TSHZ1: variants seen among roughly 807,000 people sequenced by gnomAD.
The protein encoded by TSHZ1 is teashirt zinc finger homeobox 1, also known as teashirt homolog 1.
Under a neutral mutation model 67.1 loss-of-function variants are expected in TSHZ1, and 12 were observed. That is an observed-to-expected ratio of 0.18 (90% confidence interval 0.11 to 0.29). TSHZ1 has a LOEUF of 0.29. Among genes scored for constraint, TSHZ1 ranks in the 10% least tolerant of loss-of-function variants. The pLI is 1.00. For synonymous variants in TSHZ1, 632 were observed against 622.4 expected, an observed-to-expected ratio of 1.02 and a Z score of -0.23; for missense variants, 1,305 against 1,413.9, an observed-to-expected ratio of 0.92 and a Z score of 1.23.
chr18:75,275,739 C>T (rs1359049683), intron 1 of TSHZ1, among the ~76,000 whole-genome samples: 1 of 152,122 alleles, frequency 6.6e-6, no homozygotes, highest in Non-Finnish European at 1.5e-5. Flanking sequence ...AAACTGAAAT[C>T]GGCTGATGTT....
intron 1 of TSHZ1, among the ~76,000 whole-genome samples, chr18:75,214,657 C>G (rs2022743436): frequency 6.6e-6 from 1 of 151,996 alleles, no homozygotes; most frequent in South Asian, 2.1e-4. Flanking sequence ...TGTAGAATAG[C>G]AATACTTCAC....
At chr18:75,259,807 C>T (rs1159609848) in intron 1 of TSHZ1, among the ~76,000 whole-genome samples, 1 of 152,158 alleles carries the variant, frequency 6.6e-6, no homozygotes, top group East Asian at 1.9e-4. Context: ...GGCTGTGGAT[C>T]ACCCTAAACA....
intron 1 of TSHZ1, chr18:75,282,810 A>C (rs1020763967): frequency 6.6e-6 from 1 of 152,268 alleles, no homozygotes; most frequent in African/African-American, 2.4e-5. Flanking sequence ...ACGAACACAA[A>C]GTCACTTATT....
intron 1 of TSHZ1, among the ~76,000 whole-genome samples, chr18:75,244,982 T>G (rs1176283877): frequency 1.3e-5 from 2 of 152,192 alleles, no homozygotes; most frequent in Non-Finnish European, 2.9e-5. Flanking sequence ...CTCTCTTGTC[T>G]GTCTCTCCCT....
At chr18:75,260,346 T>C (rs1490923944) in intron 1 of TSHZ1, among the ~76,000 whole-genome samples, 1 of 152,232 alleles carries the variant, frequency 6.6e-6, no homozygotes, top group Non-Finnish European at 1.5e-5. Context: ...GGCATTTTGT[T>C]GTGTATTAAA....
At chr18:75,212,625 T>G (rs532191418) in intron 1 of TSHZ1, among the ~76,000 whole-genome samples, 2 of 152,374 alleles carry the variant, frequency 1.3e-5, no homozygotes, top group Admixed American at 6.5e-5. Context: ...TATTCATTCC[T>G]GATAAACATC....
intron 1 of TSHZ1, among the ~76,000 whole-genome samples, chr18:75,250,900 C>G (rs560810275): frequency 1.3e-5 from 2 of 152,192 alleles, no homozygotes; most frequent in South Asian, 4.1e-4. Context: ...GGTCTGAAGA[C>G]CCCCGACACC....
Position 75,213,603 on chromosome 18 carries a change from A to G in TSHZ1, c.40+1687A>G, listed in dbSNP as rs375979466. ...AAACAAAATGCTGAGGGAATGAGGT[A>G]CTGCAACTTTAAATACCACATTTTT... is the stretch of plus-strand genomic sequence containing the variant. On this transcript the variant is annotated intron_variant, in intron 1 of 1. Transcript: ENST00000580243. Among the ~76,000 whole-genome samples, 14 of 152,100 alleles carry G rather than the reference A, an allele frequency of 9.2e-5. No homozygotes were observed. In the South Asian group the frequency reaches 1.0e-3, roughly 11 times the overall value.
At chr18:75,218,258 G>A in intron 1 of TSHZ1, among the ~76,000 whole-genome samples, 1 of 152,200 alleles carries the variant, frequency 6.6e-6, no homozygotes, top group East Asian at 1.9e-4. Context: ...ATCTTGACAG[G>A]TGTCAATTAA....
intron 1 of TSHZ1, among the ~76,000 whole-genome samples, chr18:75,233,803 T>C (rs1394452366): frequency 6.6e-6 from 1 of 152,218 alleles, no homozygotes; most frequent in Non-Finnish European, 1.5e-5. Flanking sequence ...AAGTCTACCT[T>C]GCAGCACCTT....
intron 1 of TSHZ1, among the ~76,000 whole-genome samples, chr18:75,257,370 A>G (rs1022014577): frequency 6.6e-6 from 1 of 152,128 alleles, no homozygotes; most frequent in African/African-American, 2.4e-5. Flanking sequence ...GTGTGCCAAA[A>G]CAAAAAACAA....
intron 1 of TSHZ1, among the ~76,000 whole-genome samples, chr18:75,242,172 T>C (rs2023164672): frequency 6.6e-6 from 1 of 152,108 alleles, no homozygotes; most frequent in African/African-American, 2.4e-5. Context: ...GTGCTCAGGA[T>C]ACTTTGTCAA....
intron 1 of TSHZ1, among the ~76,000 whole-genome samples, chr18:75,255,688 A>C (rs887370462): frequency 2.0e-5 from 3 of 152,224 alleles, no homozygotes; most frequent in African/African-American, 7.2e-5. Flanking sequence ...GAAGATTTCT[A>C]GGAAATTACT....
intron 1 of TSHZ1, among the ~76,000 whole-genome samples, chr18:75,269,886 A>C (rs1215594387): frequency 6.6e-6 from 1 of 152,130 alleles, no homozygotes; most frequent in African/African-American, 2.4e-5. Context: ...ACGTGGCTGG[A>C]AACAGATTCC....
At chr18:75,267,469 C>G (rs566954435) in intron 1 of TSHZ1, among the ~76,000 whole-genome samples, 3 of 152,256 alleles carry the variant, frequency 2.0e-5, no homozygotes, top group Middle Eastern at 3.4e-3. Context: ...GCTTCCAGAG[C>G]GTAAACAGTG....
intron 1 of TSHZ1, among the ~76,000 whole-genome samples, chr18:75,274,223 C>A (rs1057001990): frequency 2.0e-5 from 3 of 152,166 alleles, no homozygotes; most frequent in Non-Finnish European, 1.5e-5. Flanking sequence ...GATCTGGAGT[C>A]TTTGTTTTAT....
chr18:75,258,864 A>G (rs2023395724), intron 1 of TSHZ1, among the ~76,000 whole-genome samples: 1 of 152,196 alleles, frequency 6.6e-6, no homozygotes, highest in African/African-American at 2.4e-5. Context: ...TGGTGATGTT[A>G]TTGCCAGCTG....
Position 75,272,475 on chromosome 18 carries a change from A to G in TSHZ1, c.41-12973A>G, listed in dbSNP as rs75149950. Among the ~76,000 whole-genome samples the G allele has an allele frequency of 2.2e-3, 335 of 152,346 alleles. 3 individuals carry two copies. The highest frequency in any genetic ancestry group is 7.6e-3 in the African/African-American group (318 of 41,588). ...ACTCTGCTAAAACTTAAAGGGAGGA[A>G]GGAGAACTGGTATTTTCCTCATTTC... On this transcript the variant is annotated intron_variant, in intron 1 of 1. Transcript: ENST00000580243.
intron 1 of TSHZ1, among the ~76,000 whole-genome samples, chr18:75,224,898 G>C (rs548261469): frequency 6.6e-6 from 1 of 151,934 alleles, no homozygotes; most frequent in African/African-American, 2.4e-5. Context: ...TTCCTAACGC[G>C]TGCTATTCTA....
Sources: allele counts gnomAD v4.1 joint callset (sites outside exome capture counted in the v4.1 genomes callset), GRCh38; gene constraint gnomAD v4.1.1; transcripts MANE v1.5; gene names NCBI Gene and HGNC (gene_info 2026-07-23, HGNC 2026-07-21).